Variants in GUCY2F observed in about 807,000 individuals in gnomAD.
GUCY2F encodes retinal guanylyl cyclase 2.
Under a neutral mutation model 73.1 loss-of-function variants are expected in GUCY2F, and 61 were observed. The observed-to-expected ratio is 0.83, with a 90% CI of 0.68 to 1.03. The LOEUF (loss-of-function observed/expected upper bound fraction) is 1.03, where lower values mean the gene tolerates loss of function less well. Among genes scored for constraint, GUCY2F ranks in the 50% least tolerant of loss-of-function variants. GUCY2F has a pLI of 0.00. For missense variants in GUCY2F, 912 were observed against 854.3 expected (o/e 1.07, Z -0.84); for synonymous variants, 331 against 307.8 (o/e 1.08, Z -0.79).
At chrX:109,375,375 C>A (rs1930152434) in intron 19 of GUCY2F, among the ~76,000 whole-genome samples, 1 of 111,090 alleles carries the variant, frequency 9.0e-6, no homozygotes, top group Non-Finnish European at 1.9e-5. Context: ...GCCAGGCAGT[C>A]AAAGAGTAGC....
intron 1 of GUCY2F, among the ~76,000 whole-genome samples, chrX:109,477,616 A>T (rs913850319): frequency 8.9e-6 from 1 of 112,636 alleles, no homozygotes; most frequent in African/African-American, 3.2e-5. Flanking sequence ...CACAACACTT[A>T]AAGATAGGTC....
intron 7 of GUCY2F, among the ~76,000 whole-genome samples, chrX:109,438,487 A>C (rs1045484202): frequency 4.4e-5 from 5 of 113,056 alleles, no homozygotes; most frequent in Middle Eastern, 4.2e-3. Flanking sequence ...AAACATTTCT[A>C]TTCCAAAAAT....
At chrX:109,454,038 T>G (rs530672380) in intron 3 of GUCY2F, among the ~76,000 whole-genome samples, 179 bp from the exon 4 acceptor site, 19 of 99,072 alleles carry the variant, frequency 1.9e-4, no homozygotes, top group African/African-American at 6.4e-4. Flanking sequence ...AATTTTTCTG[T>G]TTTTTTTTCC....
intron 8 of GUCY2F, among the ~76,000 whole-genome samples, chrX:109,421,167 G>A (rs1478410875): frequency 1.8e-5 from 2 of 111,279 alleles, no homozygotes; most frequent in East Asian, 5.6e-4. Flanking sequence ...TTGTAAAATG[G>A]TGCAACTGCT....
intron 3 of GUCY2F, among the ~76,000 whole-genome samples, chrX:109,457,630 C>G (rs758601410): frequency 1.8e-5 from 2 of 111,545 alleles, no homozygotes; most frequent in Non-Finnish European, 3.8e-5. Context: ...ATCTTAGCCA[C>G]TGTGAGCTGC....
At chrX:109,382,292 C>T (rs1160771195) in intron 16 of GUCY2F, 80 bp from the exon 17 acceptor site, 1 of 571,346 alleles carries the variant, frequency 1.8e-6, no homozygotes, top group Non-Finnish European at 3.1e-6. Flanking sequence ...TAATAAATGT[C>T]TTCACTTGTA....
At chrX:109,442,364 C>T (rs1225683455) in intron 6 of GUCY2F, among the ~76,000 whole-genome samples, 1 of 111,144 alleles carries the variant, frequency 9.0e-6, no homozygotes, top group African/African-American at 3.3e-5. Flanking sequence ...TTGGTATTGT[C>T]TAGGAGTGCC....
chrX:109,460,466 G>A (rs1377034893), intron 3 of GUCY2F, among the ~76,000 whole-genome samples: 1 of 112,011 alleles, frequency 8.9e-6, no homozygotes, highest in Admixed American at 9.5e-5. Flanking sequence ...AAGACAATGT[G>A]ACATGTCTTC....
chrX:109,395,232 CCCCTTG>C (rs1347077066), intron 12 of GUCY2F, 103 bp downstream of exon 12: 1 of 638,847 alleles, frequency 1.6e-6, no homozygotes, highest in Non-Finnish European at 2.5e-6. Context: ...AGTGCCCTTA[CCCCTTG>C]CAAGAGGTTC....
At chrX:109,427,679 A>T (rs1381868545) in intron 8 of GUCY2F, among the ~76,000 whole-genome samples, 1 of 112,256 alleles carries the variant, frequency 8.9e-6, no homozygotes, top group Non-Finnish European at 1.9e-5. Flanking sequence ...GCTTCAAAAA[A>T]GCATTCAACT....
intron 2 of GUCY2F, among the ~76,000 whole-genome samples, chrX:109,469,599 T>C (rs982327050): frequency 2.7e-5 from 3 of 110,819 alleles, no homozygotes; most frequent in African/African-American, 9.9e-5. Flanking sequence ...TGATATTTCC[T>C]GCCACTGTCA....
At chrX:109,467,424 G>A (rs990919321) in intron 2 of GUCY2F, among the ~76,000 whole-genome samples, 2 of 112,239 alleles carry the variant, frequency 1.8e-5, no homozygotes, top group African/African-American at 6.5e-5. Context: ...ATTTGTTCAA[G>A]GTTACTCAAC....
intron 1 of GUCY2F, 75 bp from the exon 2 acceptor site, chrX:109,476,096 GGC>G (rs1932689654): frequency 2.8e-6 from 1 of 354,228 alleles, no homozygotes; most frequent in Non-Finnish European, 4.3e-6. Flanking sequence ...GTGAAAGAAT[GGC>G]AAAAAAAAAA....
chrX:109,422,569 G>C (rs1931395120), intron 8 of GUCY2F, among the ~76,000 whole-genome samples: 1 of 111,669 alleles, frequency 9.0e-6, no homozygotes, highest in Non-Finnish European at 1.9e-5. Context: ...AACACTATGA[G>C]ATAACCTCAT....
intron 3 of GUCY2F, among the ~76,000 whole-genome samples, chrX:109,457,676 C>T (rs1463324886): frequency 2.7e-5 from 3 of 111,041 alleles, no homozygotes; most frequent in Non-Finnish European, 5.7e-5. Flanking sequence ...TTGGTGGGCC[C>T]CATTCTGGAA....
At chrX:109,442,631 A>C (rs1349393481) in intron 6 of GUCY2F, among the ~76,000 whole-genome samples, 1 of 111,785 alleles carries the variant, frequency 8.9e-6, no homozygotes, top group Non-Finnish European at 1.9e-5. Flanking sequence ...ATTACACCTG[A>C]GTTAGCCCAG....
Position 109,475,209 on chromosome X carries a change from C to A in GUCY2F, c.728G>T (p.Arg243Leu). 1 of 1,196,607 alleles carries A rather than the reference C, an allele frequency of 8.4e-7. No individual in the cohort carries two copies. Among genetic ancestry groups the A allele is most frequent in the Non-Finnish European group, 1.1e-6 (1 of 886,700 alleles). The change falls in exon 2 of 20, where the codon CGC (arginine) becomes CTC (leucine). Residue 243 changes from arginine (R) to leucine (L), a missense_variant and splice_region_variant. Coordinates refer to ENST00000218006, the MANE Select transcript of GUCY2F (RefSeq NM_001522.3). Reference protein sequence around the residue: ...LQRIHQADRIRIIIMCMHSAL... With the variant: ...LQRIHQADRILIIIMCMHSAL... ...TTTCAGCGGGAGAAAGCACTCACTG[C>A]GAATTCTGTCTGCCTGGTGAATCCT...
chrX:109,472,109 C>A (rs764443805), intron 2 of GUCY2F, among the ~76,000 whole-genome samples: 1 of 110,756 alleles, frequency 9.0e-6, no homozygotes, highest in East Asian at 2.9e-4. Context: ...CAGTAAGTTG[C>A]CAATGAGAGT....
intron 10 of GUCY2F, among the ~76,000 whole-genome samples, chrX:109,401,740 G>C (rs771939346): frequency 9.0e-6 from 1 of 110,963 alleles, no homozygotes; most frequent in South Asian, 3.9e-4. Context: ...ACCTAGCCCA[G>C]CATAGGGGTC....
Sources: gnomAD v4.1 joint callset for allele counts (sites outside exome capture counted in the v4.1 genomes callset) on GRCh38, gnomAD v4.1.1 for gene constraint, MANE v1.5 for transcripts, NCBI Gene and HGNC (gene_info 2026-07-23, HGNC 2026-07-21) for gene names.